The following CNTN3 variants were observed in gnomAD, a reference collection of about 807,000 sequenced individuals.
CNTN3 encodes the protein contactin 3, also known as contactin-3.
A neutral mutation model predicts 119.1 loss-of-function variants in CNTN3; 60 were observed. That is an observed-to-expected ratio of 0.50 (90% CI 0.41 to 0.62). CNTN3 has a LOEUF of 0.62. CNTN3 is among the 20% of genes least tolerant of loss of function. CNTN3 has a pLI of 0.00. For missense variants in CNTN3, 1,101 were observed against 1,242.4 expected, an observed-to-expected ratio of 0.89 and a Z score of 1.71; for synonymous variants, 450 against 438.7, an observed-to-expected ratio of 1.03 and a Z score of -0.32.
chr3:74,296,915 T>C (rs1702350277), intron 18 of CNTN3, among the ~76,000 whole-genome samples: 1 of 152,066 alleles, frequency 6.6e-6, no homozygotes, highest in South Asian at 2.1e-4. Context: ...CAACAGTTGT[T>C]GCTGATCTAT....
intron 11 of CNTN3, among the ~76,000 whole-genome samples, chr3:74,348,437 G>C (rs1703742641): frequency 6.6e-6 from 1 of 152,210 alleles, no homozygotes; most frequent in Non-Finnish European, 1.5e-5. Flanking sequence ...TGCAGGGAAA[G>C]TGATGGTGTC....
intron 1 of CNTN3, among the ~76,000 whole-genome samples, chr3:74,563,231 T>A (rs1575832001): frequency 1.3e-5 from 2 of 152,138 alleles, no homozygotes; most frequent in African/African-American, 4.8e-5. Flanking sequence ...ATTTCTCCTC[T>A]TCAGAATACC....
At chr3:74,423,115 A>C (rs1308171031) in intron 5 of CNTN3, among the ~76,000 whole-genome samples, 5 of 152,234 alleles carry the variant, frequency 3.3e-5, no homozygotes, top group Admixed American at 3.3e-4. Flanking sequence ...CAAGAAATAC[A>C]GAGAAAAATG....
intron 5 of CNTN3, among the ~76,000 whole-genome samples, chr3:74,408,439 G>A (rs934851109): frequency 6.6e-6 from 1 of 152,072 alleles, no homozygotes; most frequent in African/African-American, 2.4e-5. Flanking sequence ...TCAAAGATAC[G>A]GCATGCTCAC....
At chr3:74,382,179 G>A (rs1444522186) in intron 5 of CNTN3, among the ~76,000 whole-genome samples, 1 of 152,046 alleles carries the variant, frequency 6.6e-6, no homozygotes, top group Non-Finnish European at 1.5e-5. Flanking sequence ...TTGAACTCCA[G>A]CCTGGACAAG....
intron 4 of CNTN3, among the ~76,000 whole-genome samples, chr3:74,435,962 T>C (rs1338222335): frequency 1.3e-5 from 2 of 152,180 alleles, no homozygotes; most frequent in East Asian, 1.9e-4. Flanking sequence ...TAAAACACAC[T>C]CTCAGTTTCT....
chr3:74,355,554 A>T (rs1703915652), intron 11 of CNTN3, among the ~76,000 whole-genome samples: 1 of 151,996 alleles, frequency 6.6e-6, no homozygotes, highest in Admixed American at 6.6e-5. Context: ...TCCTGGGTTC[A>T]AGCAATTCTC....
At chr3:74,564,349 G>A (rs1704196520) in intron 1 of CNTN3, among the ~76,000 whole-genome samples, 1 of 152,074 alleles carries the variant, frequency 6.6e-6, no homozygotes, top group African/African-American at 2.4e-5. Flanking sequence ...GGTACAGAAT[G>A]ATGAGTGATG....
chr3:74,393,178 A>G (rs954365006), intron 5 of CNTN3, among the ~76,000 whole-genome samples: 4 of 152,186 alleles, frequency 2.6e-5, no homozygotes, highest in African/African-American at 9.7e-5. Context: ...ATTCGACTGA[A>G]AGAAACATCT....
At chr3:74,288,399 TCCA>T (rs1702159722) in intron 19 of CNTN3, among the ~76,000 whole-genome samples, 1 of 152,080 alleles carries the variant, frequency 6.6e-6, no homozygotes, top group Non-Finnish European at 1.5e-5. Context: ...CCTAAGGTGA[TCCA>T]CCCTCCTCGG....
At chr3:74,312,004 T>C (rs1402430487) in intron 13 of CNTN3, among the ~76,000 whole-genome samples, 1 of 152,082 alleles carries the variant, frequency 6.6e-6, no homozygotes, top group Non-Finnish European at 1.5e-5. Context: ...GAGCCAATCA[T>C]AGGGGGTGCT....
intron 1 of CNTN3, 73 bp from the exon 2 acceptor site, chr3:74,521,265 T>C: frequency 2.4e-6 from 1 of 422,746 alleles, no homozygotes; most frequent in Middle Eastern, 6.5e-4. Context: ...GATTTTCTTC[T>C]TTTCGTAAAA....
At chr3:74,605,576 T>C (rs2121798) in intron 1 of CNTN3, among the ~76,000 whole-genome samples, 36,191 of 151,998 alleles carry the variant, frequency 0.24, 7,551 homozygotes, top group African/African-American at 0.56. Context: ...CCCGGAGCCA[T>C]TCGAGTAACA....
chr3:74,453,252 T>C (rs1226862505), intron 4 of CNTN3, among the ~76,000 whole-genome samples: 2 of 151,986 alleles, frequency 1.3e-5, no homozygotes, highest in Non-Finnish European at 1.5e-5. Context: ...TGGAAGAGTG[T>C]ATGTGTCGAG....
chr3:74,305,232 C>A (rs1054420681), intron 13 of CNTN3, among the ~76,000 whole-genome samples: 2 of 151,386 alleles, frequency 1.3e-5, no homozygotes, highest in Non-Finnish European at 2.9e-5. Flanking sequence ...CATGTGTAGA[C>A]GACGGCAAAA....
chr3:74,567,503 G>A (rs1704246096), intron 1 of CNTN3, among the ~76,000 whole-genome samples: 1 of 151,844 alleles, frequency 6.6e-6, no homozygotes. Flanking sequence ...TGAAATAGCT[G>A]AAATTATTTC....
At chr3:74,419,881 T>C (rs1363135114) in intron 5 of CNTN3, among the ~76,000 whole-genome samples, 1 of 152,174 alleles carries the variant, frequency 6.6e-6, no homozygotes, top group Admixed American at 6.5e-5. Context: ...GGGTAATTTT[T>C]CTCGTGTATT....
At chr3:74,528,905 A>C (rs1703656678) in intron 1 of CNTN3, among the ~76,000 whole-genome samples, 1 of 151,934 alleles carries the variant, frequency 6.6e-6, no homozygotes, top group Admixed American at 6.6e-5. Context: ...GCACGAATGT[A>C]GAAGAATGCA....
chr3:74,548,327 G>C (rs2107156422), intron 1 of CNTN3, among the ~76,000 whole-genome samples: 1 of 152,226 alleles, frequency 6.6e-6, no homozygotes, highest in South Asian at 2.1e-4. Flanking sequence ...TATGGGTTTT[G>C]ATAGTTTTTG....
Sources: allele counts gnomAD v4.1 joint callset (sites outside exome capture counted in the v4.1 genomes callset), GRCh38; gene constraint gnomAD v4.1.1; transcripts MANE v1.5; gene names NCBI Gene and HGNC (gene_info 2026-07-23, HGNC 2026-07-21).